The following TNS3 variants were observed in gnomAD, a reference collection of about 807,000 sequenced individuals.
TNS3 encodes tensin 3, also known as tensin-3.
A neutral mutation model predicts 140.9 loss-of-function variants in TNS3; 45 were observed. The ratio of observed to expected loss-of-function variants is 0.32; its 90% CI spans 0.25 to 0.41. TNS3 has a LOEUF of 0.41. Ranked by LOEUF, TNS3 falls within the 10% of genes least tolerant of loss-of-function variation. TNS3 has a pLI of 1.00. For synonymous variants in TNS3, 815 were observed against 788.4 expected, an observed-to-expected ratio of 1.03 and a Z score of -0.56; for missense variants, 1,716 against 1,906.7, an observed-to-expected ratio of 0.90 and a Z score of 1.86.
intron 1 of TNS3, among the ~76,000 whole-genome samples, chr7:47,566,243 C>G (rs961969930): frequency 6.6e-6 from 1 of 152,118 alleles, no homozygotes; most frequent in Non-Finnish European, 1.5e-5. Context: ...TCAACAGAGC[C>G]ACCCAAGCAG....
At chr7:47,443,514 C>A (rs2692541) in intron 4 of TNS3, among the ~76,000 whole-genome samples, 51,579 of 152,142 alleles carry the variant, frequency 0.34, 8,798 homozygotes, top group Non-Finnish European at 0.35. Context: ...GAAGACTACT[C>A]TTTTGCCTAG....
At position 47,415,194 on chromosome 7, in the gene TNS3, G is replaced by A; in HGVS notation, c.486C>T (p.Phe162=). The A allele has an allele frequency of 1.2e-6, 2 of 1,607,776 alleles. No individual in the cohort carries two copies. Among genetic ancestry groups the A allele is most frequent in the Admixed American group, 1.7e-5 (1 of 58,806 alleles). The change falls in exon 11 of 31, where the codon TTC becomes TTT. Residue 162 remains phenylalanine (F), a synonymous_variant. Transcript: ENST00000311160. ...MQPSQKRYVQ[F]LSGLLSGSVK... ...CCGATCCGGACAGGAGCCCACTGAG[G>A]AACTGAACATACCTGCAAAACGGAC...
chr7:47,568,261 C>A (rs900899231), intron 1 of TNS3, among the ~76,000 whole-genome samples: 1 of 152,184 alleles, frequency 6.6e-6, no homozygotes, highest in African/African-American at 2.4e-5. Context: ...TAGTCCTGAG[C>A]AGGCCACGGG....
intron 3 of TNS3, among the ~76,000 whole-genome samples, chr7:47,498,210 C>T (rs931071040): frequency 1.3e-5 from 2 of 151,084 alleles, no homozygotes; most frequent in Admixed American, 6.6e-5. Context: ...CTAGTTTAAT[C>T]AATAAAACAC....
At chr7:47,304,666 C>T (rs759746424) in intron 21 of TNS3, among the ~76,000 whole-genome samples, 166 bp downstream of exon 21, 2 of 152,182 alleles carry the variant, frequency 1.3e-5, no homozygotes, top group African/African-American at 4.8e-5. Context: ...GTAGCAGTGT[C>T]GTGCACACAG....
chr7:47,375,457 A>G (rs1182446020), intron 16 of TNS3, among the ~76,000 whole-genome samples: 1 of 152,214 alleles, frequency 6.6e-6, no homozygotes, highest in Non-Finnish European at 1.5e-5. Context: ...AAAGGACCAG[A>G]AGGAAGAAAA....
chr7:47,579,840 GTTCT>G, intron 1 of TNS3: 3 of 985,366 alleles, frequency 3.0e-6, no homozygotes, highest in Non-Finnish European at 2.4e-6. Flanking sequence ...TCCACTCACT[GTTCT>G]TGCCATACTG....
intron 3 of TNS3, among the ~76,000 whole-genome samples, chr7:47,497,697 A>ACACACG (rs139313048): frequency 0.046 from 6,756 of 148,352 alleles, 230 homozygotes; most frequent in African/African-American, 0.079. Context: ...ACACACACAC[A>ACACACG]GAGCAGGAAA....
intron 1 of TNS3, among the ~76,000 whole-genome samples, chr7:47,535,334 A>C (rs1184509483): frequency 6.6e-6 from 1 of 152,240 alleles, no homozygotes; most frequent in Non-Finnish European, 1.5e-5. Context: ...GTCCACAGCT[A>C]GAAAACTTAA....
At chr7:47,503,853 G>T (rs1390171821) in intron 3 of TNS3, among the ~76,000 whole-genome samples, 4 of 152,084 alleles carry the variant, frequency 2.6e-5, no homozygotes, top group African/African-American at 9.7e-5. Flanking sequence ...TTCATAGAGG[G>T]TGCCTTCTTG....
At chr7:47,340,126 T>A (rs1194292860) in intron 20 of TNS3, among the ~76,000 whole-genome samples, 102 of 105,398 alleles carry the variant, frequency 9.7e-4, no homozygotes, top group Non-Finnish European at 1.4e-3. Flanking sequence ...TTTTTTTTTT[T>A]TTTTTTTTTT....
chr7:47,278,294 G>A, intron 30 of TNS3, 74 bp from the exon 31 acceptor site: 2 of 1,525,426 alleles, frequency 1.3e-6, no homozygotes, highest in South Asian at 2.5e-5. Context: ...CCAGCTGCCA[G>A]CGGCACTGTC....
intron 2 of TNS3, among the ~76,000 whole-genome samples, chr7:47,524,185 G>A (rs565262902): frequency 1.3e-5 from 2 of 152,266 alleles, no homozygotes; most frequent in East Asian, 3.9e-4. Context: ...GTCCCGTCCT[G>A]CCTCACTGGC....
intron 27 of TNS3, among the ~76,000 whole-genome samples, chr7:47,288,716 G>C (rs1446039201): frequency 1.3e-5 from 2 of 152,206 alleles, no homozygotes; most frequent in African/African-American, 4.8e-5. Context: ...TCCCTCACAA[G>C]GGAAAGGGTG....
At chr7:47,471,881 C>A (rs867308847) in intron 4 of TNS3, among the ~76,000 whole-genome samples, 2 of 152,338 alleles carry the variant, frequency 1.3e-5, no homozygotes, top group South Asian at 2.1e-4. Flanking sequence ...AAGGGATGCA[C>A]CCCATTGTAT....
rs1554310453 is a variant in TNS3 at position 47,389,109 on chromosome 7, C to CGGAAGCAGAAGCAGA, written c.1024+7690_1024+7691insTCTGCTTCTGCTTCC. 5.1e-5 allele frequency among the ~76,000 whole-genome samples: 3 copies of CGGAAGCAGAAGCAGA among 59,078 alleles called. 1 individual carries two copies. Among genetic ancestry groups the CGGAAGCAGAAGCAGA allele is most frequent in the African/African-American group, 2.0e-4 (3 of 14,718 alleles). The allele number at this position is 59,078 out of a possible 152,430, so 38.8% of individuals were successfully genotyped here. On this transcript the variant is annotated intron_variant, in intron 16 of 30. Coordinates refer to ENST00000311160, the MANE Select transcript of TNS3 (RefSeq NM_022748.12). ...GAGGAAGAGGAAGAGGAAGCGGAAG[C>CGGAAGCAGAAGCAGA]AGAAGAAGAAGAAGAAGAAGAAGAA...
chr7:47,295,418 C>T (rs1785952519), intron 24 of TNS3, among the ~76,000 whole-genome samples: 1 of 152,190 alleles, frequency 6.6e-6, no homozygotes, highest in South Asian at 2.1e-4. Flanking sequence ...TGCTCTTGGT[C>T]CTGCGACCCT....
At chr7:47,574,459 CATAT>C (rs1371641894) in intron 1 of TNS3, among the ~76,000 whole-genome samples, 1 of 151,720 alleles carries the variant, frequency 6.6e-6, no homozygotes, top group East Asian at 1.9e-4. Flanking sequence ...GCAATTTGAC[CATAT>C]ATACTAAGGA....
chr7:47,368,297 T>C, intron 17 of TNS3, 68 bp downstream of exon 17: 1 of 1,378,224 alleles, frequency 7.3e-7, no homozygotes, highest in South Asian at 1.9e-5. Flanking sequence ...CTAGGCTGAT[T>C]TCTCATCACA....
Sources: allele counts gnomAD v4.1 joint callset (sites outside exome capture counted in the v4.1 genomes callset), GRCh38; gene constraint gnomAD v4.1.1; transcripts MANE v1.5; gene names NCBI Gene and HGNC (gene_info 2026-07-23, HGNC 2026-07-21).